The following PARD3 variants were observed in gnomAD, a reference collection of about 807,000 sequenced individuals.
PARD3 encodes the protein par-3 family cell polarity regulator, also known as partitioning defective 3 homolog.
PARD3 carries 75 observed loss-of-function variants against 155.4 expected under a neutral mutation model. The ratio of observed to expected loss-of-function variants is 0.48; its 90% CI spans 0.40 to 0.58. The LOEUF (loss-of-function observed/expected upper bound fraction) is 0.58, where lower values mean the gene tolerates loss of function less well. PARD3 is among the 20% of genes least tolerant of loss of function. PARD3 has a pLI of 0.00. For missense variants in PARD3, 1,642 were observed against 1,721.7 expected, an observed-to-expected ratio of 0.95 and a Z score of 0.82; for synonymous variants, 576 against 610.5, an observed-to-expected ratio of 0.94 and a Z score of 0.83.
At chr10:34,578,556 C>T (rs887646246) in intron 2 of PARD3, among the ~76,000 whole-genome samples, 2 of 152,188 alleles carry the variant, frequency 1.3e-5, no homozygotes, top group African/African-American at 4.8e-5. Flanking sequence ...TTGTAATTTC[C>T]ACACATTAGC....
intron 2 of PARD3, among the ~76,000 whole-genome samples, chr10:34,670,995 A>G (rs1314259213): frequency 6.6e-6 from 1 of 152,178 alleles, no homozygotes; most frequent in Non-Finnish European, 1.5e-5. Flanking sequence ...GACCAGACCA[A>G]CTCCAGAGTC....
intron 2 of PARD3, among the ~76,000 whole-genome samples, chr10:34,583,475 T>C (rs1474240047): frequency 6.6e-6 from 1 of 152,142 alleles, no homozygotes; most frequent in African/African-American, 2.4e-5. Context: ...TTTGGAAAAA[T>C]AAGTGAGACT....
At chr10:34,577,284 GT>G (rs1262007466) in intron 2 of PARD3, among the ~76,000 whole-genome samples, 5 of 152,198 alleles carry the variant, frequency 3.3e-5, no homozygotes, top group African/African-American at 1.2e-4. Context: ...CACCTGCAGA[GT>G]TTTAGCAAAT....
intron 22 of PARD3, among the ~76,000 whole-genome samples, chr10:34,147,674 C>A (rs560446401): frequency 4.0e-5 from 6 of 151,876 alleles, no homozygotes; most frequent in South Asian, 2.1e-4. Flanking sequence ...AAAATCCCAA[C>A]TTAATATGAT....
At chr10:34,608,884 T>C (rs759119911) in intron 2 of PARD3, among the ~76,000 whole-genome samples, 1 of 152,168 alleles carries the variant, frequency 6.6e-6, no homozygotes, top group Non-Finnish European at 1.5e-5. Flanking sequence ...ATAGCATTTA[T>C]ATTGTATTAG....
chr10:34,381,912 CAAAAAAAAA>C (rs202053812), intron 9 of PARD3, among the ~76,000 whole-genome samples: 18 of 71,880 alleles, frequency 2.5e-4, no homozygotes, highest in Middle Eastern at 7.2e-3. Flanking sequence ...GGCCCTGTCT[CAAAAAAAAA>C]AAAAAAAAAA....
chr10:34,407,699 G>A (rs1038602504), intron 5 of PARD3, among the ~76,000 whole-genome samples: 1 of 152,112 alleles, frequency 6.6e-6, no homozygotes, highest in South Asian at 2.1e-4. Context: ...CAGGCATGGT[G>A]GCGTGCGCCT....
chr10:34,240,059 C>T (rs1240708058), intron 22 of PARD3, among the ~76,000 whole-genome samples: 1 of 152,100 alleles, frequency 6.6e-6, no homozygotes, highest in South Asian at 2.1e-4. Flanking sequence ...AGTGATTTAG[C>T]GTATGACCCC....
At chr10:34,451,246 G>A (rs1185242377) in intron 4 of PARD3, among the ~76,000 whole-genome samples, 1 of 152,142 alleles carries the variant, frequency 6.6e-6, no homozygotes, top group Non-Finnish European at 1.5e-5. Flanking sequence ...AAATGAGAAA[G>A]CTAGGATAAA....
intron 4 of PARD3, among the ~76,000 whole-genome samples, chr10:34,464,898 T>C (rs568637580): frequency 6.6e-6 from 1 of 152,284 alleles, no homozygotes; most frequent in South Asian, 2.1e-4. Context: ...AAATTTCAAA[T>C]TACAATCATC....
chr10:34,326,614 G>A (rs962576930), intron 19 of PARD3, among the ~76,000 whole-genome samples: 1 of 152,090 alleles, frequency 6.6e-6, no homozygotes, highest in Non-Finnish European at 1.5e-5. Context: ...GGCTAGAAGT[G>A]GGTAGAATAC....
intron 22 of PARD3, among the ~76,000 whole-genome samples, chr10:34,154,686 C>T (rs1399113499): frequency 2.0e-5 from 3 of 152,154 alleles, no homozygotes; most frequent in Non-Finnish European, 4.4e-5. Context: ...CCACCTCTCA[C>T]GTTTCGAGAG....
intron 2 of PARD3, among the ~76,000 whole-genome samples, chr10:34,629,993 T>C (rs2092178917): frequency 6.6e-6 from 1 of 152,092 alleles, no homozygotes; most frequent in South Asian, 2.1e-4. Flanking sequence ...TCCCCAACTG[T>C]GGTCAGCGAA....
At chr10:34,182,811 C>T (rs539644655) in intron 22 of PARD3, among the ~76,000 whole-genome samples, 3 of 150,800 alleles carry the variant, frequency 2.0e-5, no homozygotes, top group Non-Finnish European at 4.4e-5. Flanking sequence ...TTTAGTGAGA[C>T]GTAACTATTG....
intron 2 of PARD3, among the ~76,000 whole-genome samples, chr10:34,526,130 T>C (rs1021164423): frequency 2.4e-5 from 3 of 126,194 alleles, no homozygotes; most frequent in Non-Finnish European, 3.4e-5. Context: ...AGGAAATAGA[T>C]AGGTCTTAAC....
At chr10:34,335,575 T>A (rs923359903) in intron 18 of PARD3, among the ~76,000 whole-genome samples, 1 of 152,020 alleles carries the variant, frequency 6.6e-6, no homozygotes, top group African/African-American at 2.4e-5. Context: ...ATTGTTTCTA[T>A]GGAATGATTT....
intron 22 of PARD3, among the ~76,000 whole-genome samples, chr10:34,208,112 T>C (rs900454723): frequency 2.0e-5 from 3 of 152,236 alleles, no homozygotes; most frequent in Non-Finnish European, 4.4e-5. Context: ...ATCAGCAGAA[T>C]TGCATTTTTT....
intron 22 of PARD3, among the ~76,000 whole-genome samples, chr10:34,159,958 C>G (rs757363822): frequency 2.0e-5 from 3 of 152,162 alleles, no homozygotes; most frequent in Non-Finnish European, 4.4e-5. Flanking sequence ...ACATTTTCAC[C>G]CAGGAACTTG....
At chr10:34,113,303 G>A (rs1317587212) in intron 24 of PARD3, among the ~76,000 whole-genome samples, 3 of 152,014 alleles carry the variant, frequency 2.0e-5, no homozygotes, top group Admixed American at 6.6e-5. Context: ...CATCATCCCC[G>A]GAAGACACAG....
Sources: allele counts gnomAD v4.1 joint callset (sites outside exome capture counted in the v4.1 genomes callset), GRCh38; gene constraint gnomAD v4.1.1; transcripts MANE v1.5; gene names NCBI Gene and HGNC (gene_info 2026-07-23, HGNC 2026-07-21).